TUBE1: variants seen among roughly 807,000 people sequenced by gnomAD.
TUBE1 encodes the protein tubulin epsilon chain.
TUBE1 carries 34 observed loss-of-function variants against 53.5 expected under a neutral mutation model. The observed-to-expected ratio is 0.64, with a 90% confidence interval of 0.48 to 0.85. TUBE1 has a LOEUF of 0.85. Ranked by LOEUF, TUBE1 falls within the 40% of genes least tolerant of loss-of-function variation. TUBE1 has a pLI of 0.00. For missense variants in TUBE1, 532 were observed against 570.5 expected (o/e 0.93, Z 0.69); for synonymous variants, 177 against 198.4 (o/e 0.89, Z 0.91).
intron 8 of TUBE1, chr6:112,075,445 CTT>C (rs1554315905): frequency 6.6e-6 from 1 of 152,322 alleles, no homozygotes; most frequent in African/African-American, 2.4e-5. Flanking sequence ...TTAAAACAAA[CTT>C]TATATTTGAG....
chr6:112,075,840 T>C lies in TUBE1; in HGVS notation c.812+97A>G, dbSNP rs1279788851. 5.3e-6 allele frequency: 6 copies of C among 1,135,742 alleles called. No homozygotes were observed. The East Asian group carries it at 9.6e-5, about 18-fold the overall frequency. The allele number at this position is 1,135,742 out of a possible 1,614,324, so 70.4% of individuals were successfully genotyped here. A position where few individuals can be genotyped will look rare whatever the true frequency, so the allele number is the denominator to read the frequency against. On this transcript the variant is annotated intron_variant, in intron 8 of 11. Transcript: ENST00000368662. ...AAGACAAAATAAAAACAGAAGCAGC[T>C]TCTACAATTTAGAATAACTAAAAAA...
At chr6:112,078,624 T>C (rs1777014044) in intron 6 of TUBE1, 1 of 152,072 alleles carries the variant, frequency 6.6e-6, no homozygotes, top group South Asian at 2.1e-4. Context: ...TTAATATTTA[T>C]TTTTGCTATT....
chr6:112,086,969 A>G (rs1267278593), intron 2 of TUBE1: 9 of 535,934 alleles, frequency 1.7e-5, no homozygotes, highest in South Asian at 1.4e-4. Flanking sequence ...TTTCCCATAT[A>G]CAAATCTCAC....
chr6:112,079,585 C>T (rs1434044681), intron 6 of TUBE1, 48 bp downstream of exon 6: 2 of 1,587,226 alleles, frequency 1.3e-6, no homozygotes, highest in African/African-American at 2.7e-5. Context: ...AAATGAATTC[C>T]CACTTATCCT....
intron 3 of TUBE1, 90 bp downstream of exon 3, chr6:112,086,466 C>A: frequency 1.2e-6 from 1 of 863,276 alleles, no homozygotes; most frequent in Non-Finnish European, 1.8e-6. Flanking sequence ...AACTTCGCAG[C>A]TGGCTATTTT....
Position 112,072,084 on chromosome 6 carries a change from TA to T in TUBE1, c.1095-9del, listed in dbSNP as rs369915083. On this transcript the variant is annotated splice_polypyrimidine_tract_variant and intron_variant, in intron 10 of 11. Transcript: ENST00000368662. ...TGTAGAGATGGTTTTAATCTGAGAT[TA>T]AAAAAAAAAATCTCAGAAGGTGAGA... is the stretch of plus-strand genomic sequence containing the variant. 0.035 allele frequency: 39,572 copies of T among 1,132,964 alleles called. 203 individuals carry two copies. The highest frequency in any genetic ancestry group is 0.096 in the African/African-American group (6,056 of 62,916). The allele number at this position is 1,132,964 out of a possible 1,614,324, so 70.2% of individuals were successfully genotyped here. A position where few individuals can be genotyped will look rare whatever the true frequency, so the allele number is the denominator to read the frequency against.
rs781933127 is a variant in TUBE1 at position 112,072,815 on chromosome 6, C to T, written c.1037G>A (p.Cys346Tyr). The change falls in exon 10 of 12, where the codon TGT becomes TAT. Residue 346 changes from cysteine to tyrosine, a missense_variant. Physicochemically the swap from Cys to Tyr is radical, Grantham distance 194. Coordinates refer to ENST00000368662, the MANE Select transcript of TUBE1 (RefSeq NM_016262.5). ...TACATTTCCTCTAACCATGAGTGCA[C>T]AGGCGAGGTAAAGACTGTGTTTGGG... Reference protein sequence around the residue: ...ADPKHSLYLACALMVRGNVQI... With the variant: ...ADPKHSLYLAYALMVRGNVQI... The T allele has an allele frequency of 3.1e-6, 5 of 1,613,538 alleles. No individual in the cohort carries two copies. The highest frequency in any genetic ancestry group is 3.4e-6 in the Non-Finnish European group (4 of 1,179,708).
chr6:112,075,715 CATATG>C (rs1300830729), intron 8 of TUBE1: 10 of 363,498 alleles, frequency 2.8e-5, no homozygotes, highest in African/African-American at 2.1e-4. Flanking sequence ...TCTTTTACAT[CATATG>C]ATATCTGTTC....
chr6:112,086,938 G>T (rs1035895797), intron 2 of TUBE1: 2 of 505,154 alleles, frequency 4.0e-6, no homozygotes, highest in Non-Finnish European at 6.9e-6. Flanking sequence ...AACCACACGT[G>T]TTATCTATTT....
At position 112,071,892 on chromosome 6, in the gene TUBE1, C is replaced by CA. The variant is rs782168940; in HGVS notation, c.1269+9dup. 7.6e-6 allele frequency: 12 copies of CA among 1,588,354 alleles called. No homozygotes were observed. The African/African-American group carries it at 9.5e-5, about 13-fold the overall frequency. ...AAACACATACAGTTACAAAGCTGTA[C>CA]AATAATTACCTTTTTCTTGTAGAGC... is the stretch of plus-strand genomic sequence containing the variant. On this transcript the variant is annotated intron_variant, in intron 11 of 11. Transcript: ENST00000368662.
chr6:112,087,184 T>C, intron 2 of TUBE1, 49 bp downstream of exon 2: 1 of 1,503,866 alleles, frequency 6.6e-7, no homozygotes, highest in Non-Finnish European at 9.0e-7. Context: ...GCGTATGGGC[T>C]GGAAGACCTA....
intron 6 of TUBE1, 73 bp from the exon 7 acceptor site, chr6:112,076,582 T>C (rs1776975014): frequency 1.6e-5 from 20 of 1,276,610 alleles, no homozygotes; most frequent in Non-Finnish European, 2.1e-5. Flanking sequence ...TGAAACTTTA[T>C]TTTTTTTGAG....
Position 112,071,922 on chromosome 6 carries a change from T to C in TUBE1, c.1249A>G (p.Met417Val), listed in dbSNP as rs147313864. ...PTFMELKERFMRLYKKKAHLH... is the reference protein window; with the variant it reads ...PTFMELKERFVRLYKKKAHLH... ...ATTACCTTTTTCTTGTAGAGCCTCATGAATCTCTCTTTCAGTTCCATGAAG... is the reference window on the plus strand; with the variant it reads ...ATTACCTTTTTCTTGTAGAGCCTCACGAATCTCTCTTTCAGTTCCATGAAG... Residue 417 changes from methionine (M) to valine (V), a missense_variant, in exon 11 of 12, where the codon ATG (methionine) becomes GTG (valine). Physicochemically the swap from Met to Val is conservative, Grantham distance 21 (BLOSUM62 1). Transcript: ENST00000368662. The C allele has an allele frequency of 7.5e-6, 12 of 1,604,388 alleles. No individual in the cohort carries two copies. The highest frequency in any genetic ancestry group is 4.0e-5 in the African/African-American group (3 of 74,354).
Position 112,087,420 on chromosome 6 carries a change from C to T in TUBE1, c.15G>A (p.Val5=), listed in dbSNP as rs1554317569. The T allele has an allele frequency of 6.4e-7, 1 of 1,551,384 alleles. No homozygotes were observed. ...CCCGGCGTAGCTTACCCTGTACGAC[C>T]ACCGACTGGGTCATGGTGGTGCGCC... The part of the protein sequence containing the change: MTQS[V]VVQVGQCGNQ... Residue 5 remains valine (V), a synonymous_variant, in exon 1 of 12, where the codon GTG becomes GTA. Transcript: ENST00000368662.
rs1777147506 is a variant in TUBE1, at chr6:112,085,959, A to C, written c.152+597T>G. On this transcript the variant is annotated intron_variant, in intron 3 of 11. Coordinates refer to ENST00000368662, the MANE Select transcript of TUBE1 (RefSeq NM_016262.5). ...TCACACACCCAGCCAACTATTTTAA[A>C]CTAGAACTGATGTTCCTATTGGATT... Among the ~76,000 whole-genome samples, 2 of 152,220 alleles carry C rather than the reference A, an allele frequency of 1.3e-5. 1 individual carries two copies. The highest frequency in any genetic ancestry group is 4.1e-4 in the South Asian group (2 of 4,828).
At chr6:112,075,830 C>CTT in intron 8 of TUBE1, 107 bp downstream of exon 8, 1 of 1,041,094 alleles carries the variant, frequency 9.6e-7, no homozygotes, top group Non-Finnish European at 1.4e-6. Context: ...AAAATAAAAA[C>CTT]AGAAGCAGCT....
chr6:112,085,255 G>A (rs1554317165), intron 3 of TUBE1: 1 of 154,002 alleles, frequency 6.5e-6, no homozygotes, highest in East Asian at 1.9e-4. Context: ...TTTGTACTAA[G>A]CTGTGGAACA....
intron 4 of TUBE1, among the ~76,000 whole-genome samples, chr6:112,082,685 G>A (rs1236838652): frequency 1.3e-5 from 2 of 152,194 alleles, no homozygotes; most frequent in East Asian, 1.9e-4. Context: ...AACTTTGGGA[G>A]AGTATTTTGG....
chr6:112,074,837 C>G lies in TUBE1; in HGVS notation c.826G>C (p.Glu276Gln). ...LLNLTSSARF[E>Q]GSLNMDLNEI... ...TTAAGGTCCATATTAAGGGACCCTT[C>G]AAATCTTGCAGAGCTAAAAAGTTAA... The change falls in exon 9 of 12, where the codon GAA becomes CAA. Residue 276 changes from glutamate (E) to glutamine (Q), a missense_variant. By Grantham distance (29) the Glu-to-Gln change is conservative. Transcript: ENST00000368662. 1.3e-6 allele frequency: 2 copies of G among 1,582,738 alleles called. No homozygotes were observed.
Sources: gnomAD v4.1 joint callset for allele counts (sites outside exome capture counted in the v4.1 genomes callset) on GRCh38, gnomAD v4.1.1 for gene constraint, MANE v1.5 for transcripts, NCBI Gene and HGNC (gene_info 2026-07-23, HGNC 2026-07-21) for gene names.